ROR1: variants seen among roughly 807,000 people sequenced by gnomAD.
ROR1 encodes the protein inactive tyrosine-protein kinase transmembrane receptor ROR1.
ROR1 carries 19 observed loss-of-function variants against 78.8 expected under a neutral mutation model. The ratio of observed to expected loss-of-function variants is 0.24; its 90% CI spans 0.17 to 0.35. The LOEUF is 0.35. Among genes scored for constraint, ROR1 ranks in the 10% least tolerant of loss-of-function variants. The probability of loss-of-function intolerance (pLI) is 1.00; values close to 1 mark genes in which losing one functional copy is unlikely to be tolerated. For missense variants in ROR1, 917 were observed against 1,177.8 expected, an observed-to-expected ratio of 0.78 and a Z score of 3.24; for synonymous variants, 386 against 433.6, an observed-to-expected ratio of 0.89 and a Z score of 1.36.
At position 64,068,766 on chromosome 1, in the gene ROR1, C is replaced by A. The variant is rs565146742; in HGVS notation, c.482+18050C>A. ...TTTTTTTTCATACCTAACTGAAATT[C>A]TTTGACAGATGTAGGAGATTATAAA... On this transcript the variant is annotated intron_variant, in intron 4 of 8. Transcript: ENST00000371079. 1.6e-4 allele frequency among the ~76,000 whole-genome samples: 24 copies of A among 152,162 alleles called. No individual in the cohort carries two copies. In the South Asian group the frequency reaches 4.6e-3, roughly 29 times the overall value.
intron 4 of ROR1, among the ~76,000 whole-genome samples, chr1:64,078,459 G>A (rs1227444560): frequency 3.3e-5 from 5 of 152,180 alleles, no homozygotes; most frequent in African/African-American, 7.2e-5. Flanking sequence ...GTGGAAGACT[G>A]TAAGCAGAGC....
At chr1:63,916,098 A>G (rs1645607350) in intron 1 of ROR1, among the ~76,000 whole-genome samples, 1 of 152,244 alleles carries the variant, frequency 6.6e-6, no homozygotes, top group Admixed American at 6.5e-5. Context: ...CTTATAGCTG[A>G]AAACAAACAT....
At chr1:63,799,413 A>T (rs1006929077) in intron 1 of ROR1, among the ~76,000 whole-genome samples, 4 of 152,198 alleles carry the variant, frequency 2.6e-5, no homozygotes, top group African/African-American at 9.7e-5. Flanking sequence ...TCCCCAGGCC[A>T]CTGGAACCTC....
At chr1:63,909,888 C>G (rs989492723) in intron 1 of ROR1, among the ~76,000 whole-genome samples, 3 of 152,016 alleles carry the variant, frequency 2.0e-5, no homozygotes, top group Non-Finnish European at 4.4e-5. Context: ...AGTTGTTTGG[C>G]GTGCTGCAAA....
At chr1:64,033,942 C>T (rs931663467) in intron 2 of ROR1, among the ~76,000 whole-genome samples, 1 of 152,192 alleles carries the variant, frequency 6.6e-6, no homozygotes, top group South Asian at 2.1e-4. Flanking sequence ...AACCCAGGTC[C>T]ACCCATCTCT....
intron 1 of ROR1, among the ~76,000 whole-genome samples, chr1:63,815,463 C>CTTTTTT (rs1644885328): frequency 8.9e-6 from 1 of 111,920 alleles, no homozygotes; most frequent in African/African-American, 3.8e-5. Context: ...TTTTCTTTTT[C>CTTTTTT]TTTTCTTTTC....
rs145711813 is a variant in ROR1 at position 63,846,395 on chromosome 1, C to T, written c.91+71887C>T. Among the ~76,000 whole-genome samples, 995 of 152,128 alleles carry T rather than the reference C, an allele frequency of 6.5e-3. 6 individuals carry two copies. The highest frequency in any genetic ancestry group is 0.012 in the Admixed American group (186 of 15,260). On this transcript the variant is annotated intron_variant, in intron 1 of 8. Transcript: ENST00000371079. ...AAATTCTTTGTATACTTGCTGTTTT[C>T]GATAACCTCAGCCCAAGACTTAATG...
chr1:64,159,125 A>G lies in ROR1; in HGVS notation c.1319A>G (p.Gln440Arg), dbSNP rs1231769161. 3 of 1,614,168 alleles carry G rather than the reference A, an allele frequency of 1.9e-6. No individual in the cohort carries two copies. Among genetic ancestry groups the G allele is most frequent in the Non-Finnish European group, 1.7e-6 (2 of 1,180,004 alleles). ...NNQKSSSAPV[Q>R]RQPKHVRGQN... ...CAGAAGTCATCGTCGGCACCAGTCCAGAGGCAACCAAAACACGTCAGAGGT... is the reference window on the plus strand; with the variant it reads ...CAGAAGTCATCGTCGGCACCAGTCCGGAGGCAACCAAAACACGTCAGAGGT... Residue 440 changes from glutamine to arginine, a missense_variant, in exon 8 of 9, where the codon CAG (glutamine) becomes CGG (arginine). By Grantham distance (43) the Gln-to-Arg change is conservative (BLOSUM62 1). Coordinates refer to ENST00000371079, the MANE Select transcript of ROR1 (RefSeq NM_005012.4).
chr1:63,917,723 G>T (rs1267192767), intron 1 of ROR1, among the ~76,000 whole-genome samples: 1 of 152,194 alleles, frequency 6.6e-6, no homozygotes, highest in African/African-American at 2.4e-5. Flanking sequence ...CAGACCACGT[G>T]GGGAGAGCCC....
chr1:64,078,971 T>G (rs955653456), intron 4 of ROR1, among the ~76,000 whole-genome samples: 1 of 152,184 alleles, frequency 6.6e-6, no homozygotes, highest in African/African-American at 2.4e-5. Context: ...GGAAAATGAC[T>G]GCTAGAGAGA....
At chr1:63,778,081 G>C (rs1430857035) in intron 1 of ROR1, among the ~76,000 whole-genome samples, 3 of 152,148 alleles carry the variant, frequency 2.0e-5, no homozygotes, top group Non-Finnish European at 4.4e-5. Context: ...GCATTTAACA[G>C]ACCTGGATTT....
At chr1:64,130,966 G>A (rs552860934) in intron 4 of ROR1, among the ~76,000 whole-genome samples, 3 of 152,232 alleles carry the variant, frequency 2.0e-5, no homozygotes, top group African/African-American at 7.2e-5. Flanking sequence ...CTGCTAATAG[G>A]TGGCCCGATT....
chr1:63,946,287 T>C (rs1645888582), intron 1 of ROR1, among the ~76,000 whole-genome samples: 1 of 152,184 alleles, frequency 6.6e-6, no homozygotes, highest in Admixed American at 6.5e-5. Context: ...AAGGTTTGGG[T>C]ATAAATTTGG....
chr1:64,049,619 AG>A, intron 2 of ROR1, 71 bp from the exon 3 acceptor site: 1 of 1,345,492 alleles, frequency 7.4e-7, no homozygotes. Context: ...GGTACACTGG[AG>A]GGGATTTGGC....
intron 1 of ROR1, among the ~76,000 whole-genome samples, chr1:64,001,975 CGTT>C (rs1178311901): frequency 1.1e-4 from 16 of 152,000 alleles, no homozygotes; most frequent in African/African-American, 3.6e-4. Flanking sequence ...TTTTTAGTCT[CGTT>C]GTGGTGGGGG....
Position 64,159,179 on chromosome 1 carries a change from C to T in ROR1, c.1373C>T (p.Ala458Val). 6.2e-7 allele frequency: 1 copy of T among 1,613,024 alleles called. No individual in the cohort carries two copies. The highest frequency in any genetic ancestry group is 8.5e-7 in the Non-Finnish European group (1 of 1,179,010). The change falls in exon 8 of 9, where the codon GCA becomes GTA. Residue 458 changes from alanine to valine, a missense_variant. Physicochemically the swap from Ala to Val is moderately conservative, Grantham distance 64. Coordinates refer to ENST00000371079, the MANE Select transcript of ROR1 (RefSeq NM_005012.4). ...AATGTAGAGATGTCAATGCTGAATG[C>T]ATATAAACCCAAGGTAATGTTAGCA... ...GQNVEMSMLN[A>V]YKPKSKAKEL...
At chr1:64,029,926 A>G (rs1294265581) in intron 2 of ROR1, among the ~76,000 whole-genome samples, 1 of 152,124 alleles carries the variant, frequency 6.6e-6, no homozygotes, top group Non-Finnish European at 1.5e-5. Context: ...GTCTTTTAAA[A>G]TCTTTCCAAT....
Position 63,774,839 on chromosome 1 carries a change from C to G in ROR1, c.91+331C>G, listed in dbSNP as rs1009415881. ...GGGGCACTTCTGTGCAGGGCGTCCCCCCTTGTCTCCCTGGACCTCTAGCGC... is the reference window on the plus strand; with the variant it reads ...GGGGCACTTCTGTGCAGGGCGTCCCGCCTTGTCTCCCTGGACCTCTAGCGC... On this transcript the variant is annotated intron_variant, in intron 1 of 8. Transcript: ENST00000371079. This position sits in a 1 kb window ranked among gnomAD's most constrained non-coding sequence, Gnocchi z 5.7. Among the ~76,000 whole-genome samples, 3 of 152,060 alleles carry G rather than the reference C, an allele frequency of 2.0e-5. No homozygotes were observed. The highest frequency in any genetic ancestry group is 2.1e-4 in the South Asian group (1 of 4,832).
intron 1 of ROR1, among the ~76,000 whole-genome samples, chr1:64,008,747 G>A (rs1298076047): frequency 6.6e-6 from 1 of 152,140 alleles, no homozygotes; most frequent in South Asian, 2.1e-4. Context: ...CGATTCTCCT[G>A]CCTCAGCCTC....
Sources: gnomAD v4.1 joint callset for allele counts (sites outside exome capture counted in the v4.1 genomes callset) on GRCh38, gnomAD v4.1.1 for gene constraint, Gnocchi (gnomAD v3.1) non-coding constraint, MANE v1.5 for transcripts, NCBI Gene and HGNC (gene_info 2026-07-23, HGNC 2026-07-21) for gene names.